The following ROCK2 variants were observed in gnomAD, a reference collection of about 807,000 sequenced individuals.
The protein encoded by ROCK2 is rho-associated protein kinase 2.
ROCK2 carries 61 observed loss-of-function variants against 195.1 expected under a neutral mutation model. That is an observed-to-expected ratio of 0.31 (90% confidence interval 0.25 to 0.39). ROCK2 has a LOEUF of 0.39. Ranked by LOEUF, ROCK2 falls within the 10% of genes least tolerant of loss-of-function variation. The pLI is 1.00. For missense variants in ROCK2, 1,109 were observed against 1,637.4 expected (o/e 0.68, Z 5.57); for synonymous variants, 504 against 545.5 (o/e 0.92, Z 1.06).
chr2:11,289,606 C>T (rs1446303240), intron 1 of ROCK2, among the ~76,000 whole-genome samples: 1 of 152,126 alleles, frequency 6.6e-6, no homozygotes, highest in Non-Finnish European at 1.5e-5. Flanking sequence ...ATTTTTCAAA[C>T]AGATAGAATA....
At chr2:11,226,314 C>T (rs985158076) in intron 6 of ROCK2, among the ~76,000 whole-genome samples, 1 of 152,078 alleles carries the variant, frequency 6.6e-6, no homozygotes, top group African/African-American at 2.4e-5. Flanking sequence ...ATACTTCAGC[C>T]TTTCAAATTT....
intron 3 of ROCK2, among the ~76,000 whole-genome samples, chr2:11,271,886 G>A (rs1326220841): frequency 6.6e-6 from 1 of 152,060 alleles, no homozygotes; most frequent in Non-Finnish European, 1.5e-5. Context: ...CGGGCGTGGT[G>A]GCGGGCACCT....
intron 3 of ROCK2, among the ~76,000 whole-genome samples, chr2:11,275,615 A>C (rs913930345): frequency 6.6e-6 from 1 of 152,140 alleles, no homozygotes; most frequent in Non-Finnish European, 1.5e-5. Context: ...GCTGTATTAA[A>C]CCACATTAAC....
At chr2:11,291,196 T>G (rs934301230) in intron 1 of ROCK2, among the ~76,000 whole-genome samples, 1 of 152,256 alleles carries the variant, frequency 6.6e-6, no homozygotes, top group Non-Finnish European at 1.5e-5. Flanking sequence ...TATACTTCAG[T>G]TGTCAAGAAA....
rs1382810346 is a variant in ROCK2, at chr2:11,182,537, T to C, written c.*900A>G. The stretch of plus-strand genomic sequence containing the variant: ...TAACCAATAATACTTTAAAAACATT[T>C]GTTAATCAAAATAGGCTGACATTGA... On this transcript the variant is annotated 3_prime_UTR_variant, in exon 33 of 33. Transcript: ENST00000315872. The C allele has an allele frequency of 1.3e-5, 2 of 152,276 alleles. No homozygotes were observed. Among genetic ancestry groups the C allele is most frequent in the Non-Finnish European group, 2.9e-5 (2 of 68,036 alleles). 9.4% of individuals were successfully genotyped at this position (152,276 alleles called of 1,614,324 possible).
chr2:11,188,225 T>A (rs1663273193), intron 32 of ROCK2, among the ~76,000 whole-genome samples: 1 of 150,400 alleles, frequency 6.6e-6, no homozygotes, highest in Non-Finnish European at 1.5e-5. Context: ...ATTCTCTGCC[T>A]CAGCCTCCCC....
At position 11,211,677 on chromosome 2, in the gene ROCK2, A is replaced by C. The variant is rs756150175; in HGVS notation, c.2203+4T>G. The C allele has an allele frequency of 6.3e-7, 1 of 1,591,004 alleles. No individual in the cohort carries two copies. Among genetic ancestry groups the C allele is most frequent in the African/African-American group, 1.4e-5 (1 of 73,816 alleles). ...CTGGAAAACCCTCTTTAAAAAATGC[A>C]TACCTTTCATGGCTTCTGATTTGGC... is the stretch of plus-strand genomic sequence containing the variant. On this transcript the variant is annotated splice_donor_region_variant and intron_variant, in intron 18 of 32. Coordinates refer to ENST00000315872, the MANE Select transcript of ROCK2 (RefSeq NM_004850.5).
chr2:11,197,538 A>G lies in ROCK2; in HGVS notation c.3267T>C (p.Asn1089=), dbSNP rs1359997812. 5 of 1,611,794 alleles carry G rather than the reference A, an allele frequency of 3.1e-6. No individual in the cohort carries two copies. Among genetic ancestry groups the G allele is most frequent in the Non-Finnish European group, 8.5e-7 (1 of 1,179,340 alleles). Residue 1089 remains asparagine (N), a synonymous_variant, in exon 26 of 33, where the codon AAT becomes AAC. Transcript: ENST00000315872. This position sits in a 1 kb window ranked among gnomAD's most constrained non-coding sequence, Gnocchi z 4.9. ...QQMIKYQKEL[N]EMQAQIAEES... ...AAAGTATTCTTACTGCCTGCATTTC[A>G]TTCAGTTCTTTCTGATACTTGATCA... is the stretch of plus-strand genomic sequence containing the variant.
intron 1 of ROCK2, chr2:11,308,936 G>C: frequency 6.2e-7 from 1 of 1,611,640 alleles, no homozygotes; most frequent in Non-Finnish European, 8.5e-7. Context: ...TTTGCACAAG[G>C]AATGATCCTG....
At chr2:11,190,721 G>A (rs986224627) in intron 32 of ROCK2, among the ~76,000 whole-genome samples, 23 of 152,050 alleles carry the variant, frequency 1.5e-4, no homozygotes, top group African/African-American at 5.3e-4. Flanking sequence ...TATATAAGAA[G>A]TTAAATGAGA....
At chr2:11,243,356 C>T (rs1665494791) in intron 4 of ROCK2, among the ~76,000 whole-genome samples, 2 of 152,146 alleles carry the variant, frequency 1.3e-5, no homozygotes, top group African/African-American at 4.8e-5. Flanking sequence ...ACTTTCCAAT[C>T]AAGGGGCTTC....
In ROCK2 at chr2:11,344,456, C is replaced by T; in HGVS notation, c.-320G>A. 1 of 1,018,350 alleles carries T rather than the reference C, an allele frequency of 9.8e-7. No individual in the cohort carries two copies. Among genetic ancestry groups the T allele is most frequent in the South Asian group, 4.6e-5 (1 of 21,570 alleles). 63.1% of individuals were successfully genotyped at this position (1,018,350 alleles called of 1,614,324 possible). On this transcript the variant is annotated 5_prime_UTR_variant, in exon 1 of 33. Coordinates refer to ENST00000315872, the MANE Select transcript of ROCK2 (RefSeq NM_004850.5). The surrounding 1 kb of genome is among the most constrained non-coding windows in gnomAD (Gnocchi z 5.4). ...GCCCGCAGGAGTCCTCGGGCGGGAG[C>T]AGGGAAGTGGCGCCGCCACCGCCGC...
chr2:11,202,100 C>T lies in ROCK2; in HGVS notation c.2571G>A (p.Gly857=). Residue 857 remains glycine, a synonymous_variant, in exon 21 of 33, where the codon GGG becomes GGA. Coordinates refer to ENST00000315872, the MANE Select transcript of ROCK2 (RefSeq NM_004850.5). ...GCTGATCCTGGAGCTCTTTCATTTG[C>T]CCATCTGCATCCTGACGTTCTCTGT... is the stretch of plus-strand genomic sequence containing the variant. ...ELRKERQDAD[G]QMKELQDQLE... 1 of 1,613,578 alleles carries T rather than the reference C, an allele frequency of 6.2e-7. No homozygotes were observed. Among genetic ancestry groups the T allele is most frequent in the Non-Finnish European group, 8.5e-7 (1 of 1,179,670 alleles).
At chr2:11,248,154 T>A (rs775865858) in intron 4 of ROCK2, among the ~76,000 whole-genome samples, 3 of 145,150 alleles carry the variant, frequency 2.1e-5, no homozygotes, top group Non-Finnish European at 3.0e-5. Context: ...TGAGGATCAA[T>A]CTTATAAAAA....
At chr2:11,314,042 T>C (rs1408567032) in intron 1 of ROCK2, among the ~76,000 whole-genome samples, 2 of 151,858 alleles carry the variant, frequency 1.3e-5, no homozygotes, top group African/African-American at 4.8e-5. Flanking sequence ...GACTCAAAAA[T>C]CCTTTGGTAG....
At chr2:11,202,237 A>G (rs1398846296) in intron 20 of ROCK2, 116 bp from the exon 21 acceptor site, 3 of 800,816 alleles carry the variant, frequency 3.7e-6, no homozygotes, top group Middle Eastern at 2.2e-4. Flanking sequence ...CACAGAACCC[A>G]TAAGGTCAAA....
At chr2:11,248,889 T>C (rs575836583) in intron 4 of ROCK2, among the ~76,000 whole-genome samples, 24 of 151,954 alleles carry the variant, frequency 1.6e-4, no homozygotes, top group Non-Finnish European at 3.1e-4. Flanking sequence ...GGCTGATTAA[T>C]GTAACATAAG....
chr2:11,255,649 G>A (rs191612363), intron 3 of ROCK2, among the ~76,000 whole-genome samples: 1 of 151,208 alleles, frequency 6.6e-6, no homozygotes, highest in East Asian at 1.9e-4. Flanking sequence ...GCCGGGTGCA[G>A]TGGCTCACAC....
At chr2:11,190,456 T>C (rs1172676258) in intron 32 of ROCK2, among the ~76,000 whole-genome samples, 4 of 152,238 alleles carry the variant, frequency 2.6e-5, no homozygotes, top group Middle Eastern at 3.4e-3. Context: ...GGAAGGTATT[T>C]GTAAGTCAGT....
Sources: gnomAD v4.1 joint callset for allele counts (sites outside exome capture counted in the v4.1 genomes callset) on GRCh38, gnomAD v4.1.1 for gene constraint, Gnocchi (gnomAD v3.1) non-coding constraint, MANE v1.5 for transcripts, NCBI Gene and HGNC (gene_info 2026-07-23, HGNC 2026-07-21) for gene names.